Variants in RTN1 observed in about 807,000 individuals in gnomAD.
RTN1 encodes reticulon 1, also known as reticulon-1.
In RTN1, 25 loss-of-function variants were observed where a neutral mutation model predicts 65.5. That is an observed-to-expected ratio of 0.38 (90% CI 0.28 to 0.53). The LOEUF is 0.53. Ranked by LOEUF, RTN1 falls within the 20% of genes least tolerant of loss-of-function variation. RTN1 has a pLI of 0.79. For missense variants in RTN1, 983 were observed against 1,025.4 expected, an observed-to-expected ratio of 0.96 and a Z score of 0.57; for synonymous variants, 471 against 447.6, an observed-to-expected ratio of 1.05 and a Z score of -0.66.
At chr14:59,715,578 C>A (rs1047715205) in intron 3 of RTN1, among the ~76,000 whole-genome samples, 1 of 152,156 alleles carries the variant, frequency 6.6e-6, no homozygotes, top group African/African-American at 2.4e-5. Flanking sequence ...GTAATCCCAG[C>A]ACTTTGGGAG....
At chr14:59,787,925 C>T (rs925068785) in intron 1 of RTN1, among the ~76,000 whole-genome samples, 1 of 152,088 alleles carries the variant, frequency 6.6e-6, no homozygotes, top group Admixed American at 6.6e-5. Context: ...ATACCTTTTT[C>T]TTTCCCTATA....
chr14:59,696,769 C>T (rs886150000), intron 3 of RTN1, among the ~76,000 whole-genome samples: 1 of 152,134 alleles, frequency 6.6e-6, no homozygotes, highest in Non-Finnish European at 1.5e-5. Context: ...ATAGAGGAGT[C>T]TCTTACAAAG....
chr14:59,787,096 A>C (rs1886262005), intron 1 of RTN1, among the ~76,000 whole-genome samples: 1 of 152,138 alleles, frequency 6.6e-6, no homozygotes, highest in South Asian at 2.1e-4. Flanking sequence ...TCATTTTCCA[A>C]AGTCTATTTT....
intron 3 of RTN1, among the ~76,000 whole-genome samples, chr14:59,724,921 G>A (rs1164007019): frequency 6.6e-6 from 1 of 152,174 alleles, no homozygotes; most frequent in Non-Finnish European, 1.5e-5. Flanking sequence ...GTGCAGTGGA[G>A]CAGTGAGTTT....
intron 3 of RTN1, among the ~76,000 whole-genome samples, chr14:59,659,962 C>A (rs745716059): frequency 5.2e-4 from 79 of 152,156 alleles, no homozygotes; most frequent in Non-Finnish European, 9.3e-4. Context: ...GATAAAGAGT[C>A]GAAACCCATC....
intron 3 of RTN1, chr14:59,607,734 A>C (rs1881809468): frequency 3.9e-6 from 2 of 517,804 alleles, no homozygotes; most frequent in African/African-American, 3.8e-5. Flanking sequence ...AGACTATTGA[A>C]TCTCCATTGA....
chr14:59,612,273 C>A (rs955927210), intron 3 of RTN1, among the ~76,000 whole-genome samples: 1 of 152,148 alleles, frequency 6.6e-6, no homozygotes, highest in African/African-American at 2.4e-5. Flanking sequence ...TGTAAAGTGG[C>A]TGGAACCCCA....
chr14:59,783,773 G>C (rs930808732), intron 1 of RTN1, among the ~76,000 whole-genome samples: 4 of 151,990 alleles, frequency 2.6e-5, no homozygotes, highest in African/African-American at 7.3e-5. Flanking sequence ...GATAACCCAA[G>C]GTAAAACAAA....
At chr14:59,782,894 T>C (rs1270289290) in intron 1 of RTN1, among the ~76,000 whole-genome samples, 1 of 152,080 alleles carries the variant, frequency 6.6e-6, no homozygotes, top group Non-Finnish European at 1.5e-5. Flanking sequence ...TCAAGATGAT[T>C]AGAGAAAAAG....
At chr14:59,780,449 A>AG (rs548407201) in intron 1 of RTN1, among the ~76,000 whole-genome samples, 75 of 152,314 alleles carry the variant, frequency 4.9e-4, no homozygotes, top group African/African-American at 1.7e-3. Flanking sequence ...GCTAGAGAAA[A>AG]GAAAACCATT....
At chr14:59,622,427 T>C (rs1882279713) in intron 3 of RTN1, among the ~76,000 whole-genome samples, 1 of 152,190 alleles carries the variant, frequency 6.6e-6, no homozygotes, top group Admixed American at 6.5e-5. Context: ...AAAAGGACTG[T>C]TGAAAAATGA....
chr14:59,671,199 AAG>A (rs1431658245), intron 3 of RTN1, among the ~76,000 whole-genome samples: 1 of 152,226 alleles, frequency 6.6e-6, no homozygotes, highest in Non-Finnish European at 1.5e-5. Context: ...GTGGAAAAAA[AAG>A]AGAAAATGTT....
intron 1 of RTN1, among the ~76,000 whole-genome samples, chr14:59,862,835 C>A (rs958388374): frequency 1.1e-4 from 16 of 152,142 alleles, no homozygotes; most frequent in African/African-American, 3.6e-4. Context: ...TTTTCCCAAA[C>A]GACAATTTTA....
chr14:59,726,087 C>A (rs981274192), intron 3 of RTN1, among the ~76,000 whole-genome samples: 3 of 152,234 alleles, frequency 2.0e-5, no homozygotes, highest in Non-Finnish European at 4.4e-5. Context: ...CAGGACCTCA[C>A]TTAGTCATGT....
intron 1 of RTN1, among the ~76,000 whole-genome samples, chr14:59,866,401 A>G (rs1887799609): frequency 6.6e-6 from 1 of 152,158 alleles, no homozygotes. Flanking sequence ...ATCAGAAGTA[A>G]AAAAGAGATG....
chr14:59,709,593 C>T (rs183228620), intron 3 of RTN1, among the ~76,000 whole-genome samples: 5 of 152,258 alleles, frequency 3.3e-5, no homozygotes, highest in Admixed American at 2.6e-4. Context: ...CAAGTTGTTA[C>T]AAGAAACCTC....
intron 1 of RTN1, among the ~76,000 whole-genome samples, chr14:59,779,556 C>T (rs956185089): frequency 2.0e-5 from 3 of 151,780 alleles, no homozygotes; most frequent in African/African-American, 7.3e-5. Context: ...GCAAAGGGGA[C>T]AAGAGTCCCA....
At chr14:59,717,091 T>C (rs1176747552) in intron 3 of RTN1, among the ~76,000 whole-genome samples, 3 of 152,232 alleles carry the variant, frequency 2.0e-5, no homozygotes, top group Non-Finnish European at 4.4e-5. Flanking sequence ...AAAGCATCTT[T>C]CTGCTTTACT....
intron 3 of RTN1, among the ~76,000 whole-genome samples, chr14:59,691,798 A>G (rs532748132): frequency 2.6e-5 from 4 of 152,174 alleles, no homozygotes; most frequent in Non-Finnish European, 4.4e-5. Context: ...ATTAATAAAT[A>G]TGATTCACTA....
Sources: allele counts gnomAD v4.1 joint callset (sites outside exome capture counted in the v4.1 genomes callset), GRCh38; gene constraint gnomAD v4.1.1; transcripts MANE v1.5; gene names NCBI Gene and HGNC (gene_info 2026-07-23, HGNC 2026-07-21).